The following MED13 variants were observed in gnomAD, a reference collection of about 807,000 sequenced individuals.
The protein encoded by MED13 is mediator complex subunit 13, also known as mediator of RNA polymerase II transcription subunit 13.
MED13 carries 23 observed loss-of-function variants against 225.2 expected under a neutral mutation model. The observed-to-expected ratio is 0.10, with a 90% CI of 0.07 to 0.14. MED13 has a LOEUF of 0.14. Among genes scored for constraint, MED13 ranks in the 10% least tolerant of loss-of-function variants. The pLI is 1.00. For synonymous variants in MED13, 942 were observed against 889.2 expected, an observed-to-expected ratio of 1.06 and a Z score of -1.06; for missense variants, 2,197 against 2,594.5, an observed-to-expected ratio of 0.85 and a Z score of 3.33.
At chr17:61,976,906 T>C (rs368750831) in intron 16 of MED13, among the ~76,000 whole-genome samples, 6 of 152,180 alleles carry the variant, frequency 3.9e-5, no homozygotes, top group African/African-American at 1.4e-4. Context: ...CACTCCAGCC[T>C]GGGCAACAGA....
At chr17:62,036,868 T>C (rs1449205198) in intron 3 of MED13, 1 of 152,260 alleles carries the variant, frequency 6.6e-6, no homozygotes, top group Non-Finnish European at 1.5e-5. Context: ...CTCAGTTGAC[T>C]GTTCAGTTAG....
At chr17:62,012,174 C>T (rs1251222955) in intron 8 of MED13, among the ~76,000 whole-genome samples, 1 of 151,596 alleles carries the variant, frequency 6.6e-6, no homozygotes, top group Non-Finnish European at 1.5e-5. Flanking sequence ...CGAGATCACG[C>T]CACTGCACTC....
intron 2 of MED13, among the ~76,000 whole-genome samples, chr17:62,061,733 T>G (rs1469328624): frequency 6.6e-6 from 1 of 152,216 alleles, no homozygotes; most frequent in African/African-American, 2.4e-5. Flanking sequence ...ATTGTCTCGC[T>G]AAAACTACCA....
rs577647651 is a variant in MED13 at position 61,957,630 on chromosome 17, G to A, written c.5481-1149C>T. 3.9e-5 allele frequency among the ~76,000 whole-genome samples: 6 copies of A among 152,172 alleles called. No homozygotes were observed. In the East Asian group the frequency reaches 5.8e-4, roughly 15 times the overall value. On this transcript the variant is annotated intron_variant, in intron 23 of 29. Transcript: ENST00000397786. ...CACAAAGTGCTAGGATTACAGGCGT[G>A]AGCCACCCTGCTTGACCCAGCAAAC...
chr17:61,968,316 TATTTA>T (rs1207261006), intron 17 of MED13, 58 bp from the exon 18 acceptor site: 3 of 1,019,076 alleles, frequency 2.9e-6, no homozygotes, highest in Non-Finnish European at 1.3e-6. Flanking sequence ...GTCTCCTTTT[TATTTA>T]TTTATTTATT....
At position 62,018,715 on chromosome 17, in the gene MED13, C is replaced by CAA. The variant is rs200425824; in HGVS notation, c.1284-7484_1284-7483dup. ...GGCAACAGAGGCAAAGACCCTATCT[C>CAA]AAAAAAAAAAAAAAAAGTATACTGA... On this transcript the variant is annotated intron_variant, in intron 8 of 29. Transcript: ENST00000397786. Among the ~76,000 whole-genome samples the CAA allele has an allele frequency of 8.5e-4, 106 of 124,796 alleles. 1 individual carries two copies. Among genetic ancestry groups the CAA allele is most frequent in the East Asian group, 4.2e-3 (19 of 4,540 alleles). The allele number at this position is 124,796 out of a possible 152,430, so 81.9% of individuals were successfully genotyped here. A position where few individuals can be genotyped will look rare whatever the true frequency, so the allele number is the denominator to read the frequency against.
chr17:62,065,196 A>G lies in MED13; in HGVS notation c.10T>C (p.Ser4Pro). Residue 4 changes from serine to proline, a missense_variant, in exon 1 of 30, where the codon TCC (serine) becomes CCC (proline). Physicochemically the swap from Ser to Pro is moderately conservative, Grantham distance 74. Transcript: ENST00000397786. MSA[S>P]FVPNGASLED... The stretch of plus-strand genomic sequence containing the variant: ...AGGCTGGCCCCGTTCGGCACGAAGG[A>G]GGCACTCATCGTCCCTCACAGCAGC... 6.4e-7 allele frequency: 1 copy of G among 1,561,940 alleles called. No individual in the cohort carries two copies. Among genetic ancestry groups the G allele is most frequent in the African/African-American group, 1.4e-5 (1 of 71,860 alleles).
intron 16 of MED13, among the ~76,000 whole-genome samples, chr17:61,975,551 G>A (rs1416146254): frequency 2.0e-5 from 3 of 152,128 alleles, no homozygotes; most frequent in South Asian, 2.1e-4. Context: ...ACAATCTGGC[G>A]GTTCCTCAAA....
chr17:62,047,033 C>CTTT (rs34660935), intron 3 of MED13, among the ~76,000 whole-genome samples: 1 of 141,670 alleles, frequency 7.1e-6, no homozygotes, highest in Non-Finnish European at 1.5e-5. Context: ...CTGTGCCCAG[C>CTTT]TTTTTTTTTT....
rs201188543 is a variant in MED13, at chr17:61,982,524, T to C, written c.3479A>G (p.Glu1160Gly). Residue 1160 changes from glutamate to glycine, a missense_variant, in exon 16 of 30, where the codon GAA (glutamate) becomes GGA (glycine). Around this residue, in one of 12 missense-constraint regions of MED13, gnomAD observed 203 missense variants for 209.7 expected, o/e 0.97. Transcript: ENST00000397786. ...AGCCCTGAGAGCTTCAAAACGTTTT[T>C]CTGCTTCTTTGCCACAGTCTGTATT... ...GRNTDCGKEA[E>G]KRFEALRATS... is the part of the protein sequence containing the mutation. 5.3e-5 allele frequency: 86 copies of C among 1,614,210 alleles called. 1 individual carries two copies. In the African/African-American group the frequency reaches 1.0e-3, roughly 20 times the overall value.
At position 62,037,361 on chromosome 17, in the gene MED13, T is replaced by C. The variant is rs992973981; in HGVS notation, c.471-1753A>G. On this transcript the variant is annotated intron_variant, in intron 3 of 29. Transcript: ENST00000397786. The stretch of plus-strand genomic sequence containing the variant: ...AAAACAAACAAAAACCTTATCATTC[T>C]TGTTAAGAAAGCAGTGACAATGGCT... Among the ~76,000 whole-genome samples, 5 of 152,132 alleles carry C rather than the reference T, an allele frequency of 3.3e-5. No homozygotes were observed. The East Asian group carries it at 9.6e-4, about 29-fold the overall frequency.
chr17:61,987,379 A>C (rs1265906516), intron 11 of MED13, among the ~76,000 whole-genome samples: 7 of 152,176 alleles, frequency 4.6e-5, no homozygotes, highest in African/African-American at 1.7e-4. Context: ...GGTTGCAGTG[A>C]GCCGAGATAG....
chr17:61,965,027 G>T lies in MED13; in HGVS notation c.4823C>A (p.Pro1608Gln). The T allele has an allele frequency of 1.2e-6, 2 of 1,613,970 alleles. No individual in the cohort carries two copies. Among genetic ancestry groups the T allele is most frequent in the Non-Finnish European group, 8.5e-7 (1 of 1,179,920 alleles). ...SGESSSLPTQ[P>Q]HPDVSESTMD... is the part of the protein sequence containing the mutation. ...GTACCTTTCAGACACATCAGGATGC[G>T]GCTGAGTGGGAAGTGAAGATGATTC... Residue 1608 changes from proline to glutamine, a missense_variant, in exon 20 of 30, where the codon CCG (proline) becomes CAG (glutamine). Pro to Gln is a moderately conservative substitution (Grantham distance 76). Coordinates refer to ENST00000397786, the MANE Select transcript of MED13 (RefSeq NM_005121.3).
Position 62,035,447 on chromosome 17 carries a change from T to G in MED13, c.616+16A>C. 6.4e-7 allele frequency: 1 copy of G among 1,573,184 alleles called. No homozygotes were observed. Among genetic ancestry groups the G allele is most frequent in the Non-Finnish European group, 8.6e-7 (1 of 1,160,446 alleles). ...TCAATAAAAGATCAAATACCTAATA[T>G]AATAAAATAATCTACCTTGAAATGG... On this transcript the variant is annotated intron_variant, in intron 4 of 29. Transcript: ENST00000397786.
At chr17:62,002,087 A>C (rs976068312) in intron 9 of MED13, among the ~76,000 whole-genome samples, 1 of 152,202 alleles carries the variant, frequency 6.6e-6, no homozygotes, top group Admixed American at 6.5e-5. Context: ...TAATATAAAC[A>C]AACCAGGCTT....
chr17:62,037,253 A>G (rs548954672), intron 3 of MED13, among the ~76,000 whole-genome samples: 9 of 152,168 alleles, frequency 5.9e-5, no homozygotes, highest in Admixed American at 3.9e-4. Context: ...ACTGTCTCAA[A>G]AAACATATAA....
intron 9 of MED13, among the ~76,000 whole-genome samples, chr17:61,998,033 T>C (rs1051576254): frequency 2.0e-5 from 3 of 152,094 alleles, no homozygotes; most frequent in Non-Finnish European, 4.4e-5. Flanking sequence ...ATTTCAAGAG[T>C]ATCAAGACAC....
chr17:62,058,523 A>C (rs1456798557), intron 2 of MED13, among the ~76,000 whole-genome samples: 1 of 145,242 alleles, frequency 6.9e-6, no homozygotes, highest in East Asian at 2.1e-4. Context: ...TTCATCTCAA[A>C]AAAAAAAAAA....
In MED13 at chr17:61,985,074, GATTTTT is replaced by G; in HGVS notation, c.2396_2401del (p.Lys799_Ser801delinsThr). The stretch of plus-strand genomic sequence containing the variant: ...GGCTTTATCATCTGATCCATTTGCT[GATTTTT>G]TAGATCCAGGCTATTTAAAAAAAGC... On this transcript the variant is annotated inframe_deletion, in exon 13 of 30. Coordinates refer to ENST00000397786, the MANE Select transcript of MED13 (RefSeq NM_005121.3). 6.2e-7 allele frequency: 1 copy of G among 1,613,202 alleles called. No individual in the cohort carries two copies. Among genetic ancestry groups the G allele is most frequent in the Non-Finnish European group, 8.5e-7 (1 of 1,179,728 alleles).
Sources: allele counts gnomAD v4.1 joint callset (sites outside exome capture counted in the v4.1 genomes callset), GRCh38; gene constraint gnomAD v4.1.1; regional missense constraint gnomAD v4.1.1; transcripts MANE v1.5; gene names NCBI Gene and HGNC (gene_info 2026-07-23, HGNC 2026-07-21).